Variants in CSTF3 observed in about 807,000 individuals in gnomAD.
CSTF3 encodes the protein cleavage stimulation factor subunit 3, also known as CF-1 77 kDa subunit.
A neutral mutation model predicts 105.8 loss-of-function variants in CSTF3; 29 were observed. The observed-to-expected ratio is 0.27, with a 90% confidence interval of 0.20 to 0.37. The LOEUF (loss-of-function observed/expected upper bound fraction) is 0.37. Among genes scored for constraint, CSTF3 ranks in the 10% least tolerant of loss-of-function variants. The pLI, the probability that CSTF3 is intolerant of heterozygous loss-of-function variation, is 1.00. For missense variants in CSTF3, 357 were observed against 879.3 expected (o/e 0.41, Z 7.51); for synonymous variants, 252 against 281.9 (o/e 0.89, Z 1.06).
chr11:33,085,271 C>T lies in CSTF3; in HGVS notation c.1970G>A (p.Arg657Lys). 6.5e-7 allele frequency: 1 copy of T among 1,549,420 alleles called. No individual in the cohort carries two copies. Among genetic ancestry groups the T allele is most frequent in the Non-Finnish European group, 8.7e-7 (1 of 1,151,754 alleles). The change falls in exon 21 of 21, where the codon AGG becomes AAG. Residue 657 changes from arginine to lysine, a missense_variant. Physicochemically the swap from Arg to Lys is conservative, Grantham distance 26 (BLOSUM62 2). Coordinates refer to ENST00000323959, the MANE Select transcript of CSTF3 (RefSeq NM_001326.3). ...CTCTGGGGCCCCACCAGTAATGATC[C>T]TCACAGCTTCCTCAACAGCTATTAA... Reference protein sequence around the residue: ...KIPNTVEEAVRIITGGAPELA... With the variant: ...KIPNTVEEAVKIITGGAPELA...
At position 33,161,306 on chromosome 11, in the gene CSTF3, G is replaced by A. The variant is rs1320616744; in HGVS notation, c.20C>T (p.Thr7Met). The A allele has an allele frequency of 3.7e-6, 6 of 1,613,126 alleles. No individual in the cohort carries two copies. Among genetic ancestry groups the A allele is most frequent in the Non-Finnish European group, 5.1e-6 (6 of 1,180,032 alleles). Residue 7 changes from threonine (T) to methionine (M), a missense_variant, in exon 1 of 21, where the codon ACG becomes ATG. By Grantham distance (81) the Thr-to-Met change is moderately conservative. This residue lies in a region of CSTF3 where 78 missense variants were observed against 180.4 expected (regional missense o/e 0.43). Coordinates refer to ENST00000323959, the MANE Select transcript of CSTF3 (RefSeq NM_001326.3). Reference protein sequence around the residue: MSGDGATEQAAEYVPEK... With the variant: MSGDGAMEQAAEYVPEK... The stretch of plus-strand genomic sequence containing the variant: ...ACCACTCTCCTTCCTCACCTGCTCC[G>A]TGGCTCCGTCTCCTGACATGGCCTC...
intron 3 of CSTF3, among the ~76,000 whole-genome samples, chr11:33,125,592 G>A (rs541990136): frequency 1.2e-4 from 18 of 152,228 alleles, no homozygotes; most frequent in South Asian, 8.3e-4. Context: ...TCAGACGGAC[G>A]CAACTTTTCT....
chr11:33,088,653 C>G (rs891476059), intron 17 of CSTF3, among the ~76,000 whole-genome samples: 1 of 151,950 alleles, frequency 6.6e-6, no homozygotes, highest in Non-Finnish European at 1.5e-5. Context: ...CACTCTGTCA[C>G]CCAGTCAGGA....
At chr11:33,109,045 T>C (rs1434257209) in intron 3 of CSTF3, among the ~76,000 whole-genome samples, 1 of 152,166 alleles carries the variant, frequency 6.6e-6, no homozygotes, top group Non-Finnish European at 1.5e-5. Context: ...AGCAAAAGAC[T>C]TAGACTTGGG....
intron 1 of CSTF3, among the ~76,000 whole-genome samples, chr11:33,151,993 T>G (rs1297191656): frequency 1.3e-5 from 2 of 152,194 alleles, no homozygotes; most frequent in African/African-American, 4.8e-5. Context: ...TACATCTTCT[T>G]TGGAGAAATG....
chr11:33,097,391 A>T (rs991789121), intron 13 of CSTF3, among the ~76,000 whole-genome samples: 1 of 151,858 alleles, frequency 6.6e-6, no homozygotes, highest in African/African-American at 2.4e-5. Flanking sequence ...TTTTTTTGAG[A>T]CGGAGTCTCG....
At chr11:33,143,285 A>T (rs1168581685) in intron 1 of CSTF3, among the ~76,000 whole-genome samples, 1 of 152,140 alleles carries the variant, frequency 6.6e-6, no homozygotes, top group Non-Finnish European at 1.5e-5. Context: ...ATATTCCCCA[A>T]ATCCTTTGGT....
At chr11:33,141,617 C>A in intron 3 of CSTF3, 50 bp downstream of exon 3, 1 of 1,561,250 alleles carries the variant, frequency 6.4e-7, no homozygotes, top group Non-Finnish European at 8.6e-7. Flanking sequence ...TCTATCACTA[C>A]AGTGAATGCT....
At chr11:33,131,290 C>G (rs1019285323) in intron 3 of CSTF3, among the ~76,000 whole-genome samples, 1 of 152,102 alleles carries the variant, frequency 6.6e-6, no homozygotes, top group African/African-American at 2.4e-5. Context: ...TTCTCTGAAG[C>G]AATTTTATGT....
rs764855767 is a variant in CSTF3, at chr11:33,161,308, G to A, written c.18C>T (p.Ala6=). 1.5e-5 allele frequency: 25 copies of A among 1,613,172 alleles called. No individual in the cohort carries two copies. The highest frequency in any genetic ancestry group is 2.1e-5 in the Non-Finnish European group (25 of 1,180,028). MSGDG[A]TEQAAEYVPE... ...CACTCTCCTTCCTCACCTGCTCCGT[G>A]GCTCCGTCTCCTGACATGGCCTCAG... is the stretch of plus-strand genomic sequence containing the variant. The change falls in exon 1 of 21, where the codon GCC becomes GCT. Residue 6 remains alanine (A), a synonymous_variant. Transcript: ENST00000323959.
chr11:33,098,840 G>A, intron 12 of CSTF3, 76 bp from the exon 13 acceptor site: 1 of 1,267,556 alleles, frequency 7.9e-7, no homozygotes, highest in South Asian at 1.6e-5. Flanking sequence ...GGAATCCAAA[G>A]GCTATAACCT....
Position 33,161,454 on chromosome 11 carries a change from T to G in CSTF3, c.-129A>C. On this transcript the variant is annotated 5_prime_UTR_variant, in exon 1 of 21. Transcript: ENST00000323959. ...AGCTGAGCCAGACCGCCAACACCAA[T>G]CGCCACCGCCCACTCAAATATGAAT... 2 of 884,622 alleles carry G rather than the reference T, an allele frequency of 2.3e-6. No homozygotes were observed. Among genetic ancestry groups the G allele is most frequent in the South Asian group, 2.8e-5 (2 of 70,628 alleles). The allele number at this position is 884,622 out of a possible 1,614,324, so 54.8% of individuals were successfully genotyped here.
intron 3 of CSTF3, among the ~76,000 whole-genome samples, chr11:33,112,502 T>C (rs552817832): frequency 4.5e-4 from 68 of 152,256 alleles, no homozygotes; most frequent in Admixed American, 1.6e-3. Context: ...TAAAGGAGTA[T>C]AACTTTTCAT....
Position 33,086,989 on chromosome 11 carries a change from T to C in CSTF3, c.1794A>G (p.Ala598=). The C allele has an allele frequency of 6.2e-7, 1 of 1,614,054 alleles. No individual in the cohort carries two copies. Among genetic ancestry groups the C allele is most frequent in the Non-Finnish European group, 8.5e-7 (1 of 1,179,956 alleles). Residue 598 remains alanine (A), a splice_region_variant and synonymous_variant, in exon 18 of 21, where the codon GCA becomes GCG. Coordinates refer to ENST00000323959, the MANE Select transcript of CSTF3 (RefSeq NM_001326.3). ...QMIPFQPRHL[A]PPGLHPVPGG... is the part of the protein sequence containing the mutation. ...ACTGGATCTAAAGTCATGGCTTACG[T>C]GCTAAATGTCGTGGCTGAAATGGAA...
At chr11:33,090,837 T>C (rs1855162175) in intron 16 of CSTF3, 110 bp from the exon 17 acceptor site, 1 of 612,040 alleles carries the variant, frequency 1.6e-6, no homozygotes, top group Non-Finnish European at 2.6e-6. Context: ...TTATAAAAAG[T>C]GACTTTTTAT....
At chr11:33,150,742 G>C (rs949346862) in intron 1 of CSTF3, among the ~76,000 whole-genome samples, 1 of 152,058 alleles carries the variant, frequency 6.6e-6, no homozygotes. Flanking sequence ...TGTAATCCCA[G>C]CTACTTGGGA....
chr11:33,116,632 G>T (rs1855433645), intron 3 of CSTF3, among the ~76,000 whole-genome samples: 1 of 152,134 alleles, frequency 6.6e-6, no homozygotes, highest in Admixed American at 6.5e-5. Context: ...GCATAAAAAG[G>T]CAGAGTTAAA....
At chr11:33,155,039 C>G (rs906018542) in intron 1 of CSTF3, among the ~76,000 whole-genome samples, 1 of 151,612 alleles carries the variant, frequency 6.6e-6, no homozygotes, top group Non-Finnish European at 1.5e-5. Flanking sequence ...TCTAAACATA[C>G]AAACAACTCA....
intron 9 of CSTF3, 26 bp from the exon 10 acceptor site, chr11:33,102,365 T>C: frequency 1.2e-6 from 2 of 1,612,440 alleles, no homozygotes; most frequent in Non-Finnish European, 1.7e-6. Flanking sequence ...TTAGAATTCT[T>C]TGGTGAGCCA....
Sources: gnomAD v4.1 joint callset for allele counts (sites outside exome capture counted in the v4.1 genomes callset) on GRCh38, gnomAD v4.1.1 for gene constraint, gnomAD v4.1.1 regional missense constraint, MANE v1.5 for transcripts, NCBI Gene and HGNC (gene_info 2026-07-23, HGNC 2026-07-21) for gene names.